The following EYA1 variants were observed in gnomAD, a reference collection of about 807,000 sequenced individuals.
EYA1 encodes the protein protein phosphatase EYA1.
Under a neutral mutation model 82.0 loss-of-function variants are expected in EYA1, and 16 were observed. The observed-to-expected ratio is 0.20, with a 90% CI of 0.13 to 0.30. The LOEUF (loss-of-function observed/expected upper bound fraction) is 0.30. Ranked by LOEUF, EYA1 falls within the 10% of genes least tolerant of loss-of-function variation. EYA1 has a pLI of 1.00. For missense variants in EYA1, 633 were observed against 730.7 expected (o/e 0.87, Z 1.54); for synonymous variants, 261 against 264.4 (o/e 0.99, Z 0.12).
intron 2 of EYA1, among the ~76,000 whole-genome samples, chr8:71,459,635 G>C (rs1413044194): frequency 1.2e-5 from 1 of 83,528 alleles, no homozygotes; most frequent in African/African-American, 1.1e-4. Context: ...TCTTTTCTGA[G>C]AGCTTTTTTC....
At chr8:71,527,782 A>G (rs1358434824) in intron 2 of EYA1, among the ~76,000 whole-genome samples, 2 of 152,180 alleles carry the variant, frequency 1.3e-5, no homozygotes, top group East Asian at 3.9e-4. Context: ...CCATATGTCT[A>G]TGGCAACTTT....
At chr8:71,461,601 G>A (rs1808366070) in intron 2 of EYA1, among the ~76,000 whole-genome samples, 1 of 152,190 alleles carries the variant, frequency 6.6e-6, no homozygotes, top group South Asian at 2.1e-4. Context: ...CAGCAATGTG[G>A]CAAGGAAGGG....
At chr8:71,287,528 C>T (rs960386844) in intron 9 of EYA1, among the ~76,000 whole-genome samples, 3 of 152,222 alleles carry the variant, frequency 2.0e-5, no homozygotes, top group Admixed American at 6.5e-5. Context: ...GACCATTATC[C>T]ACTTTCCAGT....
At chr8:71,243,856 C>A (rs1812770809) in intron 12 of EYA1, among the ~76,000 whole-genome samples, 1 of 152,232 alleles carries the variant, frequency 6.6e-6, no homozygotes, top group African/African-American at 2.4e-5. Context: ...AACAAAACAA[C>A]AACTTGATGA....
intron 1 of EYA1, chr8:71,547,669 C>A (rs867839459): frequency 7.2e-5 from 11 of 151,790 alleles, no homozygotes; most frequent in Admixed American, 2.6e-4. Context: ...CAGCCGCGGG[C>A]TCTCGGCCGC....
chr8:71,439,936 T>TA (rs1231992534), intron 2 of EYA1, among the ~76,000 whole-genome samples: 1 of 152,156 alleles, frequency 6.6e-6, no homozygotes, highest in Non-Finnish European at 1.5e-5. Flanking sequence ...TGGCATATAT[T>TA]AAATGCTCAA....
intron 2 of EYA1, among the ~76,000 whole-genome samples, chr8:71,458,187 G>T (rs1427945729): frequency 6.6e-6 from 1 of 152,030 alleles, no homozygotes; most frequent in African/African-American, 2.4e-5. Flanking sequence ...GTTGTACATG[G>T]AGTCACCGAA....
intron 3 of EYA1, among the ~76,000 whole-genome samples, chr8:71,347,791 T>A (rs1407190419): frequency 6.6e-6 from 1 of 151,726 alleles, no homozygotes; most frequent in Admixed American, 6.6e-5. Context: ...AGTTCCCAAT[T>A]TGTATTATGA....
Position 71,471,512 on chromosome 8 carries a change from TC to T in EYA1, c.33+64231del, listed in dbSNP as rs1809208414. On this transcript the variant is annotated intron_variant, in intron 2 of 18. Coordinates refer to the EYA1 transcript ENST00000643681. The stretch of plus-strand genomic sequence containing the variant: ...ATATAGGACATCTATATGTAGATGA[TC>T]AGCTAAATTAAACCTGGGAAAATAA... Among the ~76,000 whole-genome samples the T allele has an allele frequency of 2.6e-5, 4 of 152,100 alleles. No homozygotes were observed. The South Asian group carries it at 8.3e-4, about 31-fold the overall frequency.
chr8:71,363,307 G>A (rs1256344774), upstream of EYA1, among the ~76,000 whole-genome samples: 1 of 151,928 alleles, frequency 6.6e-6, no homozygotes, highest in Non-Finnish European at 1.5e-5. Context: ...GTAAATGAAA[G>A]CACCATTCCG....
intron 2 of EYA1, chr8:71,530,801 A>C (rs1814207076): frequency 6.6e-6 from 1 of 152,250 alleles, no homozygotes; most frequent in Non-Finnish European, 1.5e-5. Flanking sequence ...TGCAAAACCC[A>C]GCATCTCAGC....
chr8:71,315,886 G>C (rs1371473941), intron 7 of EYA1, among the ~76,000 whole-genome samples: 2 of 151,918 alleles, frequency 1.3e-5, no homozygotes, highest in African/African-American at 2.4e-5. Flanking sequence ...TACAGTTCAG[G>C]CCTTTTGAAT....
rs1315860612 is a variant in EYA1, at chr8:71,244,663, C to T, written c.1080G>A (p.Leu360=). The change falls in exon 12 of 18, where the codon CTG becomes CTA. Residue 360 remains leucine, a synonymous_variant. Coordinates refer to ENST00000340726, the MANE Select transcript of EYA1 (RefSeq NM_000503.6). ...AGTTGAAAATCATTTCTTCCATTCG[C>T]AGTCCAAGGGAAACTGAAGTGGGTG... The part of the protein sequence containing the change: ...RDPPTSVSLG[L]RMEEMIFNLA... The T allele has an allele frequency of 6.2e-7, 1 of 1,610,352 alleles. No individual in the cohort carries two copies. The highest frequency in any genetic ancestry group is 2.2e-5 in the East Asian group (1 of 44,786).
intron 3 of EYA1, among the ~76,000 whole-genome samples, chr8:71,351,147 A>G (rs72654181): frequency 0.089 from 13,488 of 152,078 alleles, 788 homozygotes; most frequent in African/African-American, 0.16. Flanking sequence ...TTGGCCTCCA[A>G]TTGCATCTGG....
intron 9 of EYA1, among the ~76,000 whole-genome samples, chr8:71,275,641 G>A (rs1047902847): frequency 7.2e-5 from 11 of 152,144 alleles, no homozygotes; most frequent in Non-Finnish European, 1.5e-4. Flanking sequence ...TGTCAGGAAG[G>A]AGAGAGTGAT....
chr8:71,205,045 A>G (rs1368565290), intron 17 of EYA1, among the ~76,000 whole-genome samples: 1 of 152,244 alleles, frequency 6.6e-6, no homozygotes, highest in Non-Finnish European at 1.5e-5. Context: ...ATGTTATTTT[A>G]TAAAAGTGGC....
intron 2 of EYA1, among the ~76,000 whole-genome samples, chr8:71,501,716 A>G (rs1401526525): frequency 1.3e-5 from 2 of 152,200 alleles, no homozygotes; most frequent in Admixed American, 1.3e-4. Flanking sequence ...CGGCTACACA[A>G]AGTCAGGATC....
chr8:71,265,502 T>C (rs1384553934), intron 11 of EYA1, among the ~76,000 whole-genome samples: 1 of 152,218 alleles, frequency 6.6e-6, no homozygotes. Context: ...CAAATCACTG[T>C]GAGACACAGA....
chr8:71,258,057 G>A (rs28579818), intron 11 of EYA1, among the ~76,000 whole-genome samples: 392 of 152,234 alleles, frequency 2.6e-3, no homozygotes, highest in Non-Finnish European at 4.7e-3. Context: ...AGATTCTGCA[G>A]TTTTACCCTT....
Sources: allele counts gnomAD v4.1 joint callset (sites outside exome capture counted in the v4.1 genomes callset), GRCh38; gene constraint gnomAD v4.1.1; transcripts MANE v1.5; gene names NCBI Gene and HGNC (gene_info 2026-07-23, HGNC 2026-07-21).